The following PCDHA4 variants were observed in gnomAD, a reference collection of about 807,000 sequenced individuals.
PCDHA4 encodes the protein protocadherin alpha 4.
PCDHA4 carries 49 observed loss-of-function variants against 61.4 expected under a neutral mutation model. The ratio of observed to expected loss-of-function variants is 0.80; its 90% CI spans 0.63 to 1.01. The LOEUF (loss-of-function observed/expected upper bound fraction) is 1.01. Ranked by LOEUF, PCDHA4 falls within the 50% of genes least tolerant of loss-of-function variation. The pLI, the probability that PCDHA4 is intolerant of heterozygous loss-of-function variation, is 0.00. For synonymous variants in PCDHA4, 590 were observed against 550.3 expected (o/e 1.07, Z -1.01); for missense variants, 1,254 against 1,235.8 (o/e 1.01, Z -0.22).
chr5:140,928,149 T>G (rs782254175), intron 1 of PCDHA4: 3 of 1,614,194 alleles, frequency 1.9e-6, no homozygotes, highest in Non-Finnish European at 2.5e-6. Context: ...CGGCCTCAGA[T>G]AGTGGCTCAC....
At chr5:140,824,377 T>A in intron 1 of PCDHA4, 1 of 566,840 alleles carries the variant, frequency 1.8e-6, no homozygotes, top group Non-Finnish European at 3.1e-6. Context: ...GAATTTTGCA[T>A]CTCTAAAAAT....
At chr5:140,989,444 T>C (rs2097342711) in intron 3 of PCDHA4, among the ~76,000 whole-genome samples, 1 of 152,130 alleles carries the variant, frequency 6.6e-6, no homozygotes, top group South Asian at 2.1e-4. Context: ...CTGAGGTTGT[T>C]TAGAATTGTT....
chr5:140,857,567 G>A, intron 1 of PCDHA4: 1 of 1,596,986 alleles, frequency 6.3e-7, no homozygotes, highest in South Asian at 1.1e-5. Flanking sequence ...GTCGAGCTAC[G>A]TGTCGGTGCA....
intron 1 of PCDHA4, among the ~76,000 whole-genome samples, chr5:140,891,988 A>T (rs1213568167): frequency 6.6e-6 from 1 of 152,216 alleles, no homozygotes. Flanking sequence ...TAAATTACTC[A>T]GTCTGTGGCA....
Position 140,927,170 on chromosome 5 carries a change from G to A in PCDHA4, c.2386-51779G>A, listed in dbSNP as rs370656989. The A allele has an allele frequency of 2.6e-5, 42 of 1,614,048 alleles. No individual in the cohort carries two copies. The highest frequency in any genetic ancestry group is 3.5e-5 in the Non-Finnish European group (41 of 1,180,042). On this transcript the variant is annotated intron_variant, in intron 1 of 3. Coordinates refer to ENST00000530339, the MANE Select transcript of PCDHA4 (RefSeq NM_018907.4). Reference sequence around the variant, plus strand: ...CAGCTGTGCAGGGCCAAAGCTGCCTGCGTCTTGACCTACGACCTGGTGCTC... The same window carrying A: ...CAGCTGTGCAGGGCCAAAGCTGCCTACGTCTTGACCTACGACCTGGTGCTC...
Position 140,809,562 on chromosome 5 carries a change from C to T in PCDHA4, c.2375C>T (p.Ser792Phe), listed in dbSNP as rs781790264. The T allele has an allele frequency of 1.8e-5, 29 of 1,608,070 alleles. No individual in the cohort carries two copies. The highest frequency in any genetic ancestry group is 4.5e-5 in the East Asian group (2 of 44,802). Residue 792 changes from serine (S) to phenylalanine (F), a missense_variant, in exon 1 of 4, where the codon TCC (serine) becomes TTC (phenylalanine). Physicochemically the swap from Ser to Phe is radical, Grantham distance 155. Coordinates refer to ENST00000530339, the MANE Select transcript of PCDHA4 (RefSeq NM_018907.4). ...REDQLQTTEE[S>F]FAKPRQPNPD... The stretch of plus-strand genomic sequence containing the variant: ...GATCAGCTGCAGACAACTGAGGAAT[C>T]CTTTGCAAAGGTTAGTGTATAACAT...
At chr5:140,950,452 C>A (rs1030639288) in intron 1 of PCDHA4, among the ~76,000 whole-genome samples, 12 of 151,888 alleles carry the variant, frequency 7.9e-5, no homozygotes, top group African/African-American at 2.7e-4. Context: ...ATTCTACTGT[C>A]TTCTAATGCT....
intron 1 of PCDHA4, among the ~76,000 whole-genome samples, chr5:140,845,905 T>C (rs1299056120): frequency 6.7e-6 from 1 of 149,748 alleles, no homozygotes; most frequent in Non-Finnish European, 1.5e-5. Context: ...TGGCCTTCCA[T>C]ATTAATCTTA....
intron 3 of PCDHA4, among the ~76,000 whole-genome samples, chr5:141,006,790 T>A (rs1318848521): frequency 6.6e-6 from 1 of 152,130 alleles, no homozygotes; most frequent in African/African-American, 2.4e-5. Context: ...AATAATTAGC[T>A]TTGAACTTTC....
intron 1 of PCDHA4, among the ~76,000 whole-genome samples, chr5:140,975,647 T>G (rs1563441442): frequency 6.6e-6 from 1 of 152,254 alleles, no homozygotes; most frequent in Non-Finnish European, 1.5e-5. Flanking sequence ...GCATATTATT[T>G]CATTGAGTAG....
chr5:140,886,317 G>A (rs1323122893), intron 1 of PCDHA4, among the ~76,000 whole-genome samples: 2 of 151,612 alleles, frequency 1.3e-5, no homozygotes, highest in Non-Finnish European at 2.9e-5. Context: ...TACACTTTAA[G>A]TTCTGGGATA....
intron 1 of PCDHA4, chr5:140,882,642 A>C (rs2153386129): frequency 6.2e-7 from 1 of 1,614,224 alleles, no homozygotes; most frequent in East Asian, 2.2e-5. Flanking sequence ...AAGGTGAGGG[A>C]CATTAACGAC....
chr5:140,856,635 G>A (rs1341590061), intron 1 of PCDHA4: 5 of 1,597,884 alleles, frequency 3.1e-6, no homozygotes, highest in South Asian at 1.1e-5. Context: ...CTTGTTCTGC[G>A]GAAGCTGCTG....
At chr5:140,842,935 C>G (rs1329962165) in intron 1 of PCDHA4, 2 of 1,594,326 alleles carry the variant, frequency 1.3e-6, no homozygotes, top group African/African-American at 1.3e-5. Flanking sequence ...TGAGCGCGCG[C>G]GACGCGGGCG....
At chr5:140,945,377 C>T (rs1183566005) in intron 1 of PCDHA4, among the ~76,000 whole-genome samples, 3 of 151,814 alleles carry the variant, frequency 2.0e-5, no homozygotes, top group African/African-American at 7.3e-5. Context: ...CCATATTACC[C>T]AAAGCAATAT....
chr5:140,946,561 T>C (rs1193170794), intron 1 of PCDHA4, among the ~76,000 whole-genome samples: 1 of 148,756 alleles, frequency 6.7e-6, no homozygotes, highest in Non-Finnish European at 1.5e-5. Context: ...AGTTCAGATA[T>C]AGAATCAACT....
rs1256461262 is a variant in PCDHA4, at chr5:140,982,640, A to T, written c.2533+77A>T. On this transcript the variant is annotated intron_variant, in intron 3 of 3. Transcript: ENST00000530339. ...ATGACCTACTTTTGTAAGATCAGGA[A>T]TGTTGATGGCTCTTTTTCTTTTATA... 3 of 1,544,442 alleles carry T rather than the reference A, an allele frequency of 1.9e-6. No individual in the cohort carries two copies. The African/African-American group carries it at 4.2e-5, about 21-fold the overall frequency.
At position 140,942,409 on chromosome 5, in the gene PCDHA4, TA is replaced by T. The variant is rs78736997; in HGVS notation, c.2386-36528del. Among the ~76,000 whole-genome samples, 464 of 143,336 alleles carry T rather than the reference TA, an allele frequency of 3.2e-3. 2 individuals are homozygous for T. Among genetic ancestry groups the T allele is most frequent in the African/African-American group, 7.7e-3 (304 of 39,312 alleles). The allele number at this position is 143,336 out of a possible 152,430, so 94.0% of individuals were successfully genotyped here. Reference sequence around the variant, plus strand: ...CCTGGGCGACAGATGAGACTCTGTTTAAAAAAAAAAAAGATATCTAACAATA... The same window carrying T: ...CCTGGGCGACAGATGAGACTCTGTTTAAAAAAAAAAAGATATCTAACAATA... On this transcript the variant is annotated intron_variant, in intron 1 of 3. Transcript: ENST00000530339.
intron 1 of PCDHA4, chr5:140,856,104 T>C: frequency 6.3e-7 from 1 of 1,597,888 alleles, no homozygotes; most frequent in Non-Finnish European, 8.6e-7. Context: ...TCGCTTCTTC[T>C]CCTCGCAGCC....
Sources: allele counts gnomAD v4.1 joint callset (sites outside exome capture counted in the v4.1 genomes callset), GRCh38; gene constraint gnomAD v4.1.1; transcripts MANE v1.5; gene names NCBI Gene and HGNC (gene_info 2026-07-23, HGNC 2026-07-21).